EYS: variants seen among roughly 807,000 people sequenced by gnomAD.
EYS encodes EGF-like photoreceptor maintenance factor, also known as protein eyes shut homolog.
In EYS, 250 loss-of-function variants were observed where a neutral mutation model predicts 282.1. The observed-to-expected ratio is 0.89, with a 90% CI of 0.80 to 0.98. EYS has a LOEUF of 0.98. Among genes scored for constraint, EYS ranks in the 50% least tolerant of loss-of-function variants. EYS has a pLI of 0.00. For synonymous variants in EYS, 1,355 were observed against 1,282.9 expected, an observed-to-expected ratio of 1.06 and a Z score of -1.20; for missense variants, 4,016 against 3,709.0, an observed-to-expected ratio of 1.08 and a Z score of -2.15.
intron 13 of EYS, among the ~76,000 whole-genome samples, chr6:65,056,341 T>A (rs752251459): frequency 4.6e-5 from 7 of 152,068 alleles, no homozygotes; most frequent in Non-Finnish European, 1.0e-4. Flanking sequence ...GAAGAATGTA[T>A]GAAAATCCAA....
intron 24 of EYS, among the ~76,000 whole-genome samples, chr6:64,597,541 A>G (rs2993115): frequency 0.12 from 18,638 of 152,214 alleles, 1,182 homozygotes; most frequent in East Asian, 0.17. Context: ...AAAGAATTAA[A>G]TCAGGTGTTT....
chr6:64,748,435 G>T (rs1401003789), intron 22 of EYS, among the ~76,000 whole-genome samples: 1 of 152,206 alleles, frequency 6.6e-6, no homozygotes, highest in Non-Finnish European at 1.5e-5. Flanking sequence ...TGCATCTCTT[G>T]CGTGCACAGT....
intron 31 of EYS, among the ~76,000 whole-genome samples, chr6:64,095,833 C>T (rs1772586017): frequency 6.6e-6 from 1 of 152,166 alleles, no homozygotes; most frequent in East Asian, 1.9e-4. Flanking sequence ...TTAGTTGATG[C>T]AGTTTCTTCC....
At chr6:65,094,633 A>C (rs1343440093) in intron 12 of EYS, among the ~76,000 whole-genome samples, 3 of 151,394 alleles carry the variant, frequency 2.0e-5, no homozygotes, top group African/African-American at 7.2e-5. Flanking sequence ...ATGGTCAAAA[A>C]AGAAATCAAA....
intron 24 of EYS, among the ~76,000 whole-genome samples, chr6:64,610,489 C>T (rs2149844258): frequency 1.4e-5 from 2 of 147,716 alleles, no homozygotes; most frequent in East Asian, 4.0e-4. Flanking sequence ...CTGCCAGCTC[C>T]AAATCCCCGG....
chr6:65,269,559 T>A (rs949824090), intron 12 of EYS, among the ~76,000 whole-genome samples: 1 of 152,168 alleles, frequency 6.6e-6, no homozygotes, highest in African/African-American at 2.4e-5. Context: ...AGCTACAGAA[T>A]CTGAGTTATG....
chr6:65,015,278 T>C (rs1009500555), intron 13 of EYS, among the ~76,000 whole-genome samples: 1 of 152,220 alleles, frequency 6.6e-6, no homozygotes, highest in Non-Finnish European at 1.5e-5. Flanking sequence ...GAAAAACTCA[T>C]CCCAATTTCA....
rs771244420 is a variant in EYS at position 63,762,636 on chromosome 6, G to A, written c.7899-3C>T. On this transcript the variant is annotated splice_polypyrimidine_tract_variant and splice_region_variant and intron_variant, in intron 40 of 42. Transcript: ENST00000503581. ...TCCACCCAGTGGTACAATTGCAGCT[G>A]TGGGTTGAGAGAAAGCCGCATGGTT... 1.9e-6 allele frequency: 3 copies of A among 1,549,306 alleles called. No individual in the cohort carries two copies. The South Asian group carries it at 3.6e-5, about 19-fold the overall frequency.
chr6:63,986,161 A>G (rs1317710648), intron 34 of EYS, among the ~76,000 whole-genome samples: 1 of 151,960 alleles, frequency 6.6e-6, no homozygotes, highest in Non-Finnish European at 1.5e-5. Context: ...GCCAAAAAGC[A>G]TATGAAAAAA....
intron 2 of EYS, among the ~76,000 whole-genome samples, chr6:65,511,440 C>A (rs1766865077): frequency 6.6e-6 from 1 of 151,590 alleles, no homozygotes; most frequent in African/African-American, 2.4e-5. Context: ...AGGTTAACAA[C>A]CTAACCTTCT....
In EYS at chr6:64,945,820, G is replaced by A. The variant is rs1769268488; in HGVS notation, c.2354C>T (p.Thr785Ile). Residue 785 changes from threonine to isoleucine, a missense_variant, in exon 15 of 43, where the codon ACC (threonine) becomes ATC (isoleucine). By Grantham distance (89) the Thr-to-Ile change is moderately conservative (BLOSUM62 -1). Coordinates refer to ENST00000503581, the MANE Select transcript of EYS (RefSeq NM_001142800.2). ...CKMNPCKNNS[T>I]CTDLYKSYRC... ...ATAGCTTTTGTAAAGGTCAGTACAG[G>A]TGGAATTGTTCTTGCAAGGATTCAT... is the stretch of plus-strand genomic sequence containing the variant. 1 of 1,549,882 alleles carries A rather than the reference G, an allele frequency of 6.5e-7. No individual in the cohort carries two copies. Among genetic ancestry groups the A allele is most frequent in the African/African-American group, 1.4e-5 (1 of 73,016 alleles).
intron 26 of EYS, among the ~76,000 whole-genome samples, chr6:64,532,475 G>T (rs188870739): frequency 0.04 from 6,027 of 152,016 alleles, 284 homozygotes; most frequent in East Asian, 0.11. Flanking sequence ...TTTGGGAGGC[G>T]GAGGCGAGCG....
At chr6:65,458,063 G>T (rs1764692747) in intron 5 of EYS, among the ~76,000 whole-genome samples, 1 of 152,052 alleles carries the variant, frequency 6.6e-6, no homozygotes, top group South Asian at 2.1e-4. Flanking sequence ...TGTGGATTTT[G>T]AACATGTATC....
chr6:64,593,548 AATTTT>A (rs2149833577), intron 24 of EYS, among the ~76,000 whole-genome samples: 1 of 152,218 alleles, frequency 6.6e-6, no homozygotes, highest in African/African-American at 2.4e-5. Context: ...TAATTCCTTT[AATTTT>A]AAGTCAAAAT....
chr6:63,761,379 T>C (rs890995478), intron 41 of EYS, among the ~76,000 whole-genome samples: 4 of 152,056 alleles, frequency 2.6e-5, no homozygotes, highest in African/African-American at 9.7e-5. Context: ...AATCACACTC[T>C]TAAGACATGA....
chr6:65,386,549 G>A (rs1359509820), intron 7 of EYS, among the ~76,000 whole-genome samples: 2 of 151,810 alleles, frequency 1.3e-5, no homozygotes, highest in African/African-American at 4.8e-5. Flanking sequence ...AACTCAGCCT[G>A]CTGTCAAGGA....
At chr6:65,096,662 C>G (rs1321524031) in intron 12 of EYS, among the ~76,000 whole-genome samples, 1 of 150,966 alleles carries the variant, frequency 6.6e-6, no homozygotes, top group Non-Finnish European at 1.5e-5. Flanking sequence ...ATAGAGTAAT[C>G]AAACAGAATA....
chr6:64,716,784 A>G (rs1771414010), intron 22 of EYS, among the ~76,000 whole-genome samples: 2 of 152,160 alleles, frequency 1.3e-5, no homozygotes, highest in South Asian at 4.1e-4. Flanking sequence ...TTCTTTTGAA[A>G]AACTCCAAAG....
At chr6:64,196,691 C>T (rs1227504613) in intron 31 of EYS, among the ~76,000 whole-genome samples, 2 of 142,944 alleles carry the variant, frequency 1.4e-5, no homozygotes, top group South Asian at 2.2e-4. Flanking sequence ...GGGAATTGAA[C>T]AATGAGAACA....
Sources: allele counts gnomAD v4.1 joint callset (sites outside exome capture counted in the v4.1 genomes callset), GRCh38; gene constraint gnomAD v4.1.1; transcripts MANE v1.5; gene names NCBI Gene and HGNC (gene_info 2026-07-23, HGNC 2026-07-21).